ABHD5: variants seen among roughly 807,000 people sequenced by gnomAD.
ABHD5 encodes abhydrolase domain containing 5, lysophosphatidic acid acyltransferase, also known as 1-acylglycerol-3-phosphate O-acyltransferase ABHD5.
Under a neutral mutation model 44.9 loss-of-function variants are expected in ABHD5, and 30 were observed. The ratio of observed to expected loss-of-function variants is 0.67; its 90% CI spans 0.50 to 0.91. The LOEUF (loss-of-function observed/expected upper bound fraction) is 0.91, where lower values mean the gene tolerates loss of function less well. Among genes scored for constraint, ABHD5 ranks in the 40% least tolerant of loss-of-function variants. The probability of loss-of-function intolerance (pLI) is 0.00; values close to 1 mark genes in which losing one functional copy is unlikely to be tolerated. For synonymous variants in ABHD5, 167 were observed against 147.0 expected (o/e 1.14, Z -0.99); for missense variants, 399 against 423.4 (o/e 0.94, Z 0.50).
chr3:43,709,827 G>T (rs1393292299), intron 3 of ABHD5, among the ~76,000 whole-genome samples: 1 of 152,106 alleles, frequency 6.6e-6, no homozygotes, highest in Non-Finnish European at 1.5e-5. Context: ...GGCAGATCAC[G>T]AGGTCAGGAG....
rs556384506 is a variant in ABHD5 at position 43,732,808 on chromosome 3, G to T, written c.*30-1072G>T. 3.3e-5 allele frequency among the ~76,000 whole-genome samples: 5 copies of T among 152,274 alleles called. No homozygotes were observed. The East Asian group carries it at 7.7e-4, about 23-fold the overall frequency. On this transcript the variant is annotated intron_variant, in intron 7 of 7. Transcript: ENST00000454293. Reference sequence around the variant, plus strand: ...GCAGTCAAGATGGTAGCCAGGGCTGGGGTCTCAAGGCTGGAGTCAAGGTGA... The same window carrying T: ...GCAGTCAAGATGGTAGCCAGGGCTGTGGTCTCAAGGCTGGAGTCAAGGTGA...
chr3:43,712,932 G>A (rs2084706982), intron 4 of ABHD5, among the ~76,000 whole-genome samples: 1 of 152,098 alleles, frequency 6.6e-6, no homozygotes. Context: ...CCTTCCACCA[G>A]CAAAGAAGAA....
In ABHD5 at chr3:43,720,427, C is replaced by A. The variant is rs886058495; in HGVS notation, c.*1895C>A. The A allele has an allele frequency of 1.8e-4, 27 of 152,108 alleles. No homozygotes were observed. The highest frequency in any genetic ancestry group is 3.1e-4 in the Non-Finnish European group (21 of 68,022). 9.4% of individuals were successfully genotyped at this position (152,108 alleles called of 1,614,324 possible). A position where few individuals can be genotyped will look rare whatever the true frequency, so the allele number is the denominator to read the frequency against. On this transcript the variant is annotated 3_prime_UTR_variant, in exon 7 of 7. Transcript: ENST00000644371. ...TGCCAAGTGATTGAAGAAAGATATA[C>A]CCCAATATCAAGTGATAATTTATTT...
Position 43,720,500 on chromosome 3 carries a change from T to TAA in ABHD5, c.*1970_*1971dup, listed in dbSNP as rs1186152642. On this transcript the variant is annotated 3_prime_UTR_variant, in exon 7 of 7. Transcript: ENST00000644371. ...ATTTGAAAGATGTTGTAACTCTTTTTAAAGTTAGATTTTACCCTGAGGTAT... is the reference window on the plus strand; with the variant it reads ...ATTTGAAAGATGTTGTAACTCTTTTTAAAAAGTTAGATTTTACCCTGAGGTAT... 1.3e-4 allele frequency: 20 copies of TAA among 152,342 alleles called. No individual in the cohort carries two copies. The highest frequency in any genetic ancestry group is 2.5e-4 in the Non-Finnish European group (17 of 68,034). 9.4% of individuals were successfully genotyped at this position (152,342 alleles called of 1,614,324 possible). A position where few individuals can be genotyped will look rare whatever the true frequency, so the allele number is the denominator to read the frequency against.
downstream of ABHD5, among the ~76,000 whole-genome samples, chr3:43,725,599 C>A (rs2084871871): frequency 6.6e-6 from 1 of 152,176 alleles, no homozygotes; most frequent in Non-Finnish European, 1.5e-5. Flanking sequence ...ATAACCCCAT[C>A]CTACTTTTTA....
intron 7 of ABHD5, among the ~76,000 whole-genome samples, chr3:43,732,603 A>G (rs1409673012): frequency 6.6e-6 from 1 of 152,248 alleles, no homozygotes; most frequent in Non-Finnish European, 1.5e-5. Context: ...ATACTGATTA[A>G]TTAGAACTAA....
chr3:43,691,627 G>A (rs1216582715), intron 1 of ABHD5: 1 of 152,352 alleles, frequency 6.6e-6, no homozygotes, highest in Non-Finnish European at 1.5e-5. Flanking sequence ...GGAAGCGGCG[G>A]GAGGGCGGGG....
intron 7 of ABHD5, among the ~76,000 whole-genome samples, chr3:43,732,098 T>C (rs1364969649): frequency 6.6e-6 from 1 of 152,178 alleles, no homozygotes; most frequent in Non-Finnish European, 1.5e-5. Context: ...GTCTTTAATA[T>C]TCTTTATGAA....
At chr3:43,697,514 C>A (rs938144795) in intron 1 of ABHD5, among the ~76,000 whole-genome samples, 2 of 152,126 alleles carry the variant, frequency 1.3e-5, no homozygotes, top group Non-Finnish European at 2.9e-5. Context: ...AAAAGAGCTT[C>A]ACCTTTAACC....
Position 43,702,214 on chromosome 3 carries a change from G to A in ABHD5, c.134-1G>A. Reference sequence around the variant, plus strand: ...GAATTTCTCTTTTATGTTTTCATTAGGTGTGCCTTGCACATACAAAAAAGA... The same window carrying A: ...GAATTTCTCTTTTATGTTTTCATTAAGTGTGCCTTGCACATACAAAAAAGA... On this transcript the variant is annotated splice_acceptor_variant, in intron 2 of 6. Transcript: ENST00000644371. LOFTEE classifies it high-confidence loss of function. 6.3e-7 allele frequency: 1 copy of A among 1,579,692 alleles called. No individual in the cohort carries two copies. Among genetic ancestry groups the A allele is most frequent in the Non-Finnish European group, 8.6e-7 (1 of 1,158,944 alleles).
At chr3:43,702,026 G>A (rs1009040717) in intron 2 of ABHD5, 189 bp from the exon 3 acceptor site, 5 of 575,904 alleles carry the variant, frequency 8.7e-6, no homozygotes, top group Non-Finnish European at 1.5e-5. Context: ...TTCCCCTTTA[G>A]GTGTAAAACA....
At position 43,719,621 on chromosome 3, in the gene ABHD5, A is replaced by G. The variant is rs1011277432; in HGVS notation, c.*1089A>G. The stretch of plus-strand genomic sequence containing the variant: ...CATTACATACTTGAAGTTATATTAC[A>G]AAAATTCTAGAAGGTTGATTGAACT... On this transcript the variant is annotated 3_prime_UTR_variant, in exon 7 of 7. Coordinates refer to ENST00000644371, the MANE Select transcript of ABHD5 (RefSeq NM_016006.6). 2 of 152,194 alleles carry G rather than the reference A, an allele frequency of 1.3e-5. No individual in the cohort carries two copies. Among genetic ancestry groups the G allele is most frequent in the Non-Finnish European group, 2.9e-5 (2 of 68,002 alleles). 9.4% of individuals were successfully genotyped at this position (152,194 alleles called of 1,614,324 possible). A position where few individuals can be genotyped will look rare whatever the true frequency, so the allele number is the denominator to read the frequency against.
At chr3:43,701,412 A>G (rs180956695) in intron 2 of ABHD5, among the ~76,000 whole-genome samples, 169 of 152,330 alleles carry the variant, frequency 1.1e-3, no homozygotes, top group Non-Finnish European at 1.9e-3. Flanking sequence ...CTGTATATGA[A>G]TATGCATAAA....
chr3:43,713,344 GAAAAGAAAAGAA>G (rs1457644174), intron 4 of ABHD5, among the ~76,000 whole-genome samples: 22 of 149,396 alleles, frequency 1.5e-4, no homozygotes, highest in East Asian at 5.9e-4. Flanking sequence ...AAAAAAAAAG[GAAAAGAAAAGAA>G]AAAAGAAAAG....
chr3:43,721,359 T>A lies in ABHD5; in HGVS notation c.*2827T>A, dbSNP rs1165649621. 6.6e-6 allele frequency: 1 copy of A among 152,064 alleles called. No homozygotes were observed. Among genetic ancestry groups the A allele is most frequent in the African/African-American group, 2.4e-5 (1 of 41,432 alleles). The allele number at this position is 152,064 out of a possible 1,614,324, so 9.4% of individuals were successfully genotyped here. ...CTAACTAGAAGAAAACATAGATGAA[T>A]TATTGTATAATCTGACAGTGAGAAA... is the stretch of plus-strand genomic sequence containing the variant. On this transcript the variant is annotated 3_prime_UTR_variant, in exon 7 of 7. Coordinates refer to ENST00000644371, the MANE Select transcript of ABHD5 (RefSeq NM_016006.6).
chr3:43,691,277 G>A, intron 1 of ABHD5: 1 of 371,064 alleles, frequency 2.7e-6, no homozygotes, highest in East Asian at 4.0e-5. Context: ...GACTCCGGCC[G>A]CGCCGGGAGG....
upstream of ABHD5, chr3:43,690,929 G>A (rs564192984): frequency 5.1e-5 from 78 of 1,520,492 alleles, no homozygotes; most frequent in Admixed American, 6.3e-4. Flanking sequence ...CGCCAGCCCG[G>A]GGCGGCCCAG....
intron 2 of ABHD5, 43 bp downstream of exon 2, chr3:43,699,404 A>G: frequency 2.0e-6 from 3 of 1,512,966 alleles, no homozygotes; most frequent in South Asian, 2.3e-5. Context: ...GTGTACTAAG[A>G]TAGGTCCAAT....
In ABHD5 at chr3:43,717,769, C is replaced by T. The variant is rs2084785362; in HGVS notation, c.872C>T (p.Ser291Leu). ...AAAATGCACCCTGACATTCCAGTTT[C>T]AGTGATCTTTGGCGCCCGATCCTGC... ...IGKMHPDIPV[S>L]VIFGARSCID... The change falls in exon 6 of 7, where the codon TCA becomes TTA. Residue 291 changes from serine (S) to leucine (L), a missense_variant. Coordinates refer to ENST00000644371, the MANE Select transcript of ABHD5 (RefSeq NM_016006.6). 6.2e-7 allele frequency: 1 copy of T among 1,614,242 alleles called. No individual in the cohort carries two copies. Among genetic ancestry groups the T allele is most frequent in the Non-Finnish European group, 8.5e-7 (1 of 1,180,046 alleles).
Sources: allele counts gnomAD v4.1 joint callset (sites outside exome capture counted in the v4.1 genomes callset), GRCh38; gene constraint gnomAD v4.1.1; transcripts MANE v1.5; gene names NCBI Gene and HGNC (gene_info 2026-07-23, HGNC 2026-07-21).